The following MUC12 variants were observed in gnomAD, a reference collection of about 807,000 sequenced individuals.
MUC12 encodes mucin 12, cell surface associated, also known as mucin-12.
MUC12 carries 172 observed loss-of-function variants against 230.8 expected under a neutral mutation model. The ratio of observed to expected loss-of-function variants is 0.75; its 90% CI spans 0.66 to 0.85. MUC12 has a LOEUF of 0.85. Ranked by LOEUF, MUC12 falls within the 40% of genes least tolerant of loss-of-function variation. MUC12 has a pLI of 0.00. For missense variants in MUC12, 3,506 were observed against 5,920.6 expected, an observed-to-expected ratio of 0.59 and a Z score of 13.38; for synonymous variants, 1,259 against 2,401.9, an observed-to-expected ratio of 0.52 and a Z score of 13.91.
intron 10 of MUC12, among the ~76,000 whole-genome samples, chr7:101,016,538 C>A (rs1243973428): frequency 1.3e-5 from 2 of 152,192 alleles, no homozygotes; most frequent in Admixed American, 1.3e-4. Flanking sequence ...TGGTCTCGAA[C>A]TCCAGACCTT....
rs1186253135 is a variant in MUC12, at chr7:100,992,212, C to A, written c.1649C>A (p.Thr550Lys). ...TTMPGLSQES[T>K]ASHSSPGPTD... ...ATGCCAGGCCTCAGTCAGGAATCTA[C>A]AGCTTCCCACAGCAGCCCAGGCCCC... Residue 550 changes from threonine to lysine, a missense_variant, in exon 2 of 12, where the codon ACA becomes AAA. Physicochemically the swap from Thr to Lys is moderately conservative, Grantham distance 78 (BLOSUM62 -1). Transcript: ENST00000536621. 2 of 1,537,860 alleles carry A rather than the reference C, an allele frequency of 1.3e-6. No homozygotes were observed. The highest frequency in any genetic ancestry group is 1.2e-5 in the South Asian group (1 of 84,056).
chr7:101,004,294 C>T lies in MUC12; in HGVS notation c.13731C>T (p.Val4577=). Residue 4577 remains valine, a synonymous_variant, in exon 2 of 12, where the codon GTC becomes GTT. Coordinates refer to ENST00000536621, the MANE Select transcript of MUC12 (RefSeq NM_001164462.2). ...GCCGTAGTGAGGAATCGACAACAGT[C>T]CACAGCAGCCCAGTTGCAACTGCAA... is the stretch of plus-strand genomic sequence containing the variant. The part of the protein sequence containing the change: ...TLGRSEESTT[V]HSSPVATATT... 1.0e-6 allele frequency: 1 copy of T among 961,040 alleles called. No homozygotes were observed. Among genetic ancestry groups the T allele is most frequent in the Non-Finnish European group, 1.4e-6 (1 of 702,546 alleles). 59.5% of individuals were successfully genotyped at this position (961,040 alleles called of 1,614,324 possible). A position where few individuals can be genotyped will look rare whatever the true frequency, so the allele number is the denominator to read the frequency against.
In MUC12 at chr7:101,004,471, C is replaced by G. The variant is rs1793694903; in HGVS notation, c.13908C>G (p.Ser4636Arg). ...AAGAATCAAGAACTTCCCACAGCAG[C>G]ACAACACACACAATATCTTCACCTC... ...RSEESRTSHS[S>R]TTHTISSPPS... The change falls in exon 2 of 12, where the codon AGC becomes AGG. Residue 4636 changes from serine (S) to arginine (R), a missense_variant. Ser to Arg is a moderately radical substitution (Grantham distance 110). Coordinates refer to ENST00000536621, the MANE Select transcript of MUC12 (RefSeq NM_001164462.2). The G allele has an allele frequency of 2.0e-6, 3 of 1,530,368 alleles. No homozygotes were observed. The highest frequency in any genetic ancestry group is 2.6e-6 in the Non-Finnish European group (3 of 1,145,228). 94.8% of individuals were successfully genotyped at this position (1,530,368 alleles called of 1,614,324 possible).
chr7:101,014,436 C>T (rs537869704), intron 9 of MUC12: 139 of 180,200 alleles, frequency 7.7e-4, no homozygotes, highest in African/African-American at 3.1e-3. Flanking sequence ...GGCAACATGG[C>T]AGTCTGCAGC....
chr7:100,984,185 T>C (rs934384392), intron 1 of MUC12, among the ~76,000 whole-genome samples: 2 of 151,626 alleles, frequency 1.3e-5, no homozygotes, highest in Non-Finnish European at 2.9e-5. Context: ...ACGTATAGTA[T>C]TACACTCTCA....
Position 101,012,409 on chromosome 7 carries a change from A to C in MUC12, c.15365A>C (p.Glu5122Ala). 3.9e-6 allele frequency: 6 copies of C among 1,537,876 alleles called. No homozygotes were observed. The highest frequency in any genetic ancestry group is 5.2e-6 in the Non-Finnish European group (6 of 1,147,034). ...AEIVKAKIMN[E>A]TRTTLLDPDS... ...ATTGTAAAGGCCAAGATTATGAATGAAACTAGAACAACTCTTCTTGATCCT... is the reference window on the plus strand; with the variant it reads ...ATTGTAAAGGCCAAGATTATGAATGCAACTAGAACAACTCTTCTTGATCCT... The change falls in exon 6 of 12, where the codon GAA becomes GCA. Residue 5122 changes from glutamate to alanine, a missense_variant. Transcript: ENST00000536621.
chr7:100,992,067 T>C lies in MUC12; in HGVS notation c.1504T>C (p.Ser502Pro), dbSNP rs1447426139. ...KSTTFYSSPRSPDTTHLPASM... is the reference protein window; with the variant it reads ...KSTTFYSSPRPPDTTHLPASM... ...TACCACTTTCTACAGTAGCCCCAGA[T>C]CACCAGACACAACACACTTACCTGC... Residue 502 changes from serine (S) to proline (P), a missense_variant, in exon 2 of 12, where the codon TCA becomes CCA. Ser to Pro is a moderately conservative substitution (Grantham distance 74). Coordinates refer to ENST00000536621, the MANE Select transcript of MUC12 (RefSeq NM_001164462.2). 1.3e-6 allele frequency: 2 copies of C among 1,537,044 alleles called. No individual in the cohort carries two copies. Among genetic ancestry groups the C allele is most frequent in the Non-Finnish European group, 1.7e-6 (2 of 1,146,676 alleles).
chr7:100,972,037 T>A (rs1166527745), intron 1 of MUC12: 2 of 701,930 alleles, frequency 2.8e-6, no homozygotes, highest in Non-Finnish European at 5.2e-6. Context: ...CAGAAGGGAG[T>A]GAGGCCAGGC....
intron 1 of MUC12, among the ~76,000 whole-genome samples, chr7:100,973,295 G>A (rs1792950621): frequency 1.5e-5 from 1 of 67,362 alleles, no homozygotes; most frequent in South Asian, 4.4e-4. Flanking sequence ...CTAGGAGGCT[G>A]TGTTAACTGG....
At chr7:101,016,722 G>A (rs1466842854) in intron 10 of MUC12, among the ~76,000 whole-genome samples, 3 of 151,936 alleles carry the variant, frequency 2.0e-5, no homozygotes, top group Non-Finnish European at 2.9e-5. Flanking sequence ...AGGAGACGCA[G>A]CCTGGTGGAG....
Position 101,002,820 on chromosome 7 carries a change from C to G in MUC12, c.12257C>G (p.Ser4086Ter), listed in dbSNP as rs1273939375. Residue 4086 changes from serine (S) to a stop codon, truncating the protein, a stop_gained, in exon 2 of 12, where the codon TCA becomes TGA. Coordinates refer to ENST00000536621, the MANE Select transcript of MUC12 (RefSeq NM_001164462.2). LOFTEE classifies it high-confidence loss of function. ...ESTTFQSWPS[S>*]SDTTPSPPST... is the part of the protein sequence containing the mutation. Reference sequence around the variant, plus strand: ...ACCACTTTCCAGAGCTGGCCAAGCTCAAGTGACACAACACCTTCACCTCCC... The same window carrying G: ...ACCACTTTCCAGAGCTGGCCAAGCTGAAGTGACACAACACCTTCACCTCCC... 4.4e-6 allele frequency: 5 copies of G among 1,148,324 alleles called. 1 individual carries two copies. The highest frequency in any genetic ancestry group is 3.6e-5 in the African/African-American group (2 of 56,144). The allele number at this position is 1,148,324 out of a possible 1,614,324, so 71.1% of individuals were successfully genotyped here. A position where few individuals can be genotyped will look rare whatever the true frequency, so the allele number is the denominator to read the frequency against.
In MUC12 at chr7:100,995,970, A is replaced by T. The variant is rs1356308127; in HGVS notation, c.5407A>T (p.Ser1803Cys). Reference protein sequence around the residue: ...RSEESRTSHSSTTHTISSPPS... With the variant: ...RSEESRTSHSCTTHTISSPPS... ...TGAAGAATCAAGAACTTCCCACAGC[A>T]GCACAACACACACAATATCTTCACC... The change falls in exon 2 of 12, where the codon AGC (serine) becomes TGC (cysteine). Residue 1803 changes from serine (S) to cysteine (C), a missense_variant. Physicochemically the swap from Ser to Cys is moderately radical, Grantham distance 112. Coordinates refer to ENST00000536621, the MANE Select transcript of MUC12 (RefSeq NM_001164462.2). 1 of 873,634 alleles carries T rather than the reference A, an allele frequency of 1.1e-6. No homozygotes were observed. The highest frequency in any genetic ancestry group is 2.7e-5 in the Admixed American group (1 of 37,522). The allele number at this position is 873,634 out of a possible 1,614,324, so 54.1% of individuals were successfully genotyped here. A position where few individuals can be genotyped will look rare whatever the true frequency, so the allele number is the denominator to read the frequency against.
At position 100,995,706 on chromosome 7, in the gene MUC12, A is replaced by T. The variant is rs778691230; in HGVS notation, c.5143A>T (p.Thr1715Ser). The change falls in exon 2 of 12, where the codon ACC becomes TCC. Residue 1715 changes from threonine to serine, a missense_variant. By Grantham distance (58) the Thr-to-Ser change is moderately conservative. Transcript: ENST00000536621. ...ATCAGCCTTTGTTGAGCTATCTACAACCTCCCACGGCAGCCCGAGCTCAAC... is the reference window on the plus strand; with the variant it reads ...ATCAGCCTTTGTTGAGCTATCTACATCCTCCCACGGCAGCCCGAGCTCAAC... The part of the protein sequence containing the change: ...TTSAFVELST[T>S]SHGSPSSTPT... The T allele has an allele frequency of 2.6e-4, 399 of 1,534,602 alleles. 1 individual carries two copies. Among genetic ancestry groups the T allele is most frequent in the Admixed American group, 7.7e-4 (39 of 50,672 alleles).
rs1404335470 is a variant in MUC12 at position 100,995,905 on chromosome 7, C to T, written c.5342C>T (p.Thr1781Ile). The T allele has an allele frequency of 3.0e-6, 4 of 1,346,736 alleles. No individual in the cohort carries two copies. Among genetic ancestry groups the T allele is most frequent in the Non-Finnish European group, 4.0e-6 (4 of 1,000,200 alleles). The allele number at this position is 1,346,736 out of a possible 1,614,324, so 83.4% of individuals were successfully genotyped here. ...AYHSSPGSTQ[T>I]MHFPESSTAS... ...CACAGCAGCCCGGGCTCAACTCAAACAATGCACTTCCCTGAAAGCTCCACA... is the reference window on the plus strand; with the variant it reads ...CACAGCAGCCCGGGCTCAACTCAAATAATGCACTTCCCTGAAAGCTCCACA... Residue 1781 changes from threonine (T) to isoleucine (I), a missense_variant, in exon 2 of 12, where the codon ACA becomes ATA. Physicochemically the swap from Thr to Ile is moderately conservative, Grantham distance 89. Transcript: ENST00000536621.
rs533046905 is a variant in MUC12 at position 101,014,267 on chromosome 7, T to C, written c.15800+193T>C. 3 of 514,078 alleles carry C rather than the reference T, an allele frequency of 5.8e-6. No individual in the cohort carries two copies. The Admixed American group carries it at 1.1e-4, about 20-fold the overall frequency. The allele number at this position is 514,078 out of a possible 1,614,324, so 31.8% of individuals were successfully genotyped here. Reference sequence around the variant, plus strand: ...CGGCCTTCCTGTAGGATACATCAATTTGGCAGTGTTTTAGTCCATTTTGTG... The same window carrying C: ...CGGCCTTCCTGTAGGATACATCAATCTGGCAGTGTTTTAGTCCATTTTGTG... On this transcript the variant is annotated intron_variant, in intron 9 of 11. Coordinates refer to ENST00000536621, the MANE Select transcript of MUC12 (RefSeq NM_001164462.2).
At position 100,992,398 on chromosome 7, in the gene MUC12, C is replaced by A; in HGVS notation, c.1835C>A (p.Thr612Asn). 1 of 1,537,500 alleles carries A rather than the reference C, an allele frequency of 6.5e-7. No homozygotes were observed. The highest frequency in any genetic ancestry group is 2.0e-5 in the Admixed American group (1 of 50,970). The change falls in exon 2 of 12, where the codon ACC becomes AAC. Residue 612 changes from threonine to asparagine, a missense_variant. Thr to Asn is a moderately conservative substitution (Grantham distance 65). Coordinates refer to ENST00000536621, the MANE Select transcript of MUC12 (RefSeq NM_001164462.2). Reference protein sequence around the residue: ...LEASMPVHSSTRSPHTTLSPA... With the variant: ...LEASMPVHSSNRSPHTTLSPA... ...GCATCTATGCCCGTCCACAGCAGCA[C>A]CAGATCGCCACACACAACACTGTCC...
intron 1 of MUC12, chr7:100,972,284 G>T (rs1439549979): frequency 2.9e-6 from 2 of 697,832 alleles, no homozygotes; most frequent in East Asian, 5.4e-5. Flanking sequence ...GCCACCACTT[G>T]ACAGTGGATT....
rs1470486367 is a variant in MUC12, at chr7:100,991,649, C to A, written c.1086C>A (p.His362Gln). The change falls in exon 2 of 12, where the codon CAC becomes CAA. Residue 362 changes from histidine (H) to glutamine (Q), a missense_variant. His to Gln is a conservative substitution (Grantham distance 24). Coordinates refer to ENST00000536621, the MANE Select transcript of MUC12 (RefSeq NM_001164462.2). ...ATGTTGAAGAATCTACAGCCTACCACAGGAGCCCGGGCTCAACTCAAACAA... is the reference window on the plus strand; with the variant it reads ...ATGTTGAAGAATCTACAGCCTACCAAAGGAGCCCGGGCTCAACTCAAACAA... ...SGHVEESTAY[H>Q]RSPGSTQTMH... The A allele has an allele frequency of 2.0e-6, 3 of 1,537,002 alleles. No homozygotes were observed. The highest frequency in any genetic ancestry group is 1.2e-5 in the South Asian group (1 of 84,032).
At chr7:100,989,949 TC>T (rs1203668822) in intron 1 of MUC12, among the ~76,000 whole-genome samples, 1 of 152,176 alleles carries the variant, frequency 6.6e-6, no homozygotes, top group African/African-American at 2.4e-5. Flanking sequence ...CACCTCGGCC[TC>T]CCAAAGTGTT....
Sources: gnomAD v4.1 joint callset for allele counts (sites outside exome capture counted in the v4.1 genomes callset) on GRCh38, gnomAD v4.1.1 for gene constraint, MANE v1.5 for transcripts, NCBI Gene and HGNC (gene_info 2026-07-23, HGNC 2026-07-21) for gene names.